GBE1: variants seen among roughly 807,000 people sequenced by gnomAD.
The protein encoded by GBE1 is 1,4-alpha-glucan-branching enzyme.
A neutral mutation model predicts 88.8 loss-of-function variants in GBE1; 70 were observed. The ratio of observed to expected loss-of-function variants is 0.79; its 90% CI spans 0.65 to 0.96. GBE1 has a LOEUF of 0.96. GBE1 is among the 40% of genes least tolerant of loss of function. The pLI is 0.00. For synonymous variants in GBE1, 284 were observed against 300.1 expected (o/e 0.95, Z 0.56); for missense variants, 872 against 871.0 (o/e 1.00, Z -0.01).
chr3:81,576,574 G>A (rs957508377), intron 12 of GBE1, among the ~76,000 whole-genome samples: 3 of 152,182 alleles, frequency 2.0e-5, no homozygotes, highest in African/African-American at 7.2e-5. Flanking sequence ...GCCTTACGGA[G>A]TGCCCATATT....
Position 81,643,282 on chromosome 3 carries a change from C to T in GBE1, c.783-292G>A, listed in dbSNP as rs550726702. Among the ~76,000 whole-genome samples the T allele has an allele frequency of 2.6e-5, 4 of 152,256 alleles. No homozygotes were observed. The East Asian group carries it at 7.7e-4, about 29-fold the overall frequency. ...AAACTCTGCTTCTCTATTTTCAGAG[C>T]TTCTGATTTCCACCTGAAGCAAGTC... On this transcript the variant is annotated intron_variant, in intron 6 of 15. Transcript: ENST00000429644.
At chr3:81,491,394 C>A (rs1268337992) in intron 15 of GBE1, among the ~76,000 whole-genome samples, 1 of 152,152 alleles carries the variant, frequency 6.6e-6, no homozygotes, top group Non-Finnish European at 1.5e-5. Flanking sequence ...TTCTAACCCT[C>A]AGTTGGTGCC....
chr3:81,569,766 A>G (rs543046636), intron 12 of GBE1, among the ~76,000 whole-genome samples: 41 of 152,324 alleles, frequency 2.7e-4, no homozygotes, highest in Admixed American at 7.2e-4. Context: ...TGTTTCAAAC[A>G]TTGATTTCTA....
chr3:81,740,583 C>A (rs1365984423), intron 1 of GBE1, among the ~76,000 whole-genome samples: 1 of 152,120 alleles, frequency 6.6e-6, no homozygotes, highest in Admixed American at 6.6e-5. Flanking sequence ...CCAGCAAAGG[C>A]CAGTCAATAA....
intron 7 of GBE1, among the ~76,000 whole-genome samples, chr3:81,615,380 TTG>T (rs1418535375): frequency 6.6e-6 from 1 of 152,088 alleles, no homozygotes; most frequent in Non-Finnish European, 1.5e-5. Flanking sequence ...TACAGAACAA[TTG>T]TGTCACTAGA....
intron 7 of GBE1, among the ~76,000 whole-genome samples, chr3:81,623,778 C>T (rs1377586459): frequency 6.6e-6 from 1 of 152,154 alleles, no homozygotes; most frequent in Non-Finnish European, 1.5e-5. Context: ...AGTCTTCCTG[C>T]CTCAGCCTCC....
Position 81,580,583 on chromosome 3 carries a change from CT to C in GBE1, c.1446+581del, listed in dbSNP as rs534680306. Among the ~76,000 whole-genome samples the C allele has an allele frequency of 1.1e-3, 174 of 152,086 alleles. 2 individuals carry two copies. Among genetic ancestry groups the C allele is most frequent in the Non-Finnish European group, 2.2e-3 (147 of 67,982 alleles). Reference sequence around the variant, plus strand: ...GGCAGAGAATAATGCTGGAAACCGGCTTGAGCCAAAATAGGAGTGGCTTTGA... The same window carrying C: ...GGCAGAGAATAATGCTGGAAACCGGCTGAGCCAAAATAGGAGTGGCTTTGA... On this transcript the variant is annotated intron_variant, in intron 11 of 15. Transcript: ENST00000429644.
At chr3:81,493,308 A>G (rs1461480227) in intron 15 of GBE1, among the ~76,000 whole-genome samples, 1 of 152,152 alleles carries the variant, frequency 6.6e-6, no homozygotes, top group Admixed American at 6.5e-5. Context: ...AATGAAACAC[A>G]TTAGACAGGC....
At chr3:81,518,233 G>A (rs1391109674) in intron 14 of GBE1, among the ~76,000 whole-genome samples, 2 of 151,300 alleles carry the variant, frequency 1.3e-5, no homozygotes, top group Admixed American at 1.3e-4. Context: ...GCTATTGTTA[G>A]ATGACTTTCT....
intron 7 of GBE1, among the ~76,000 whole-genome samples, chr3:81,613,475 T>C (rs1704208784): frequency 6.6e-6 from 1 of 152,074 alleles, no homozygotes; most frequent in African/African-American, 2.4e-5. Context: ...GAGAGCACAC[T>C]GTGTCTCTAT....
intron 14 of GBE1, among the ~76,000 whole-genome samples, chr3:81,532,011 A>G (rs1460961389): frequency 1.3e-5 from 2 of 151,964 alleles, no homozygotes; most frequent in Non-Finnish European, 2.9e-5. Context: ...ATGAGTTCCA[A>G]TGCAAAGTCC....
chr3:81,670,859 C>A lies in GBE1; in HGVS notation c.408G>T (p.Val136=). ...GTACCTTTAATTTGGATCCATGAGG[C>A]ACGAGTACAGATTTATTCTGCTTTG... ...IPPKQNKSVL[V]PHGSKLKVVI... Residue 136 remains valine, a synonymous_variant, in exon 3 of 16, where the codon GTG becomes GTT. Coordinates refer to ENST00000429644, the MANE Select transcript of GBE1 (RefSeq NM_000158.4). 2 of 1,564,458 alleles carry A rather than the reference C, an allele frequency of 1.3e-6. No homozygotes were observed. Among genetic ancestry groups the A allele is most frequent in the South Asian group, 2.5e-5 (2 of 80,752 alleles).
intron 7 of GBE1, among the ~76,000 whole-genome samples, chr3:81,625,231 T>G (rs1398019687): frequency 6.6e-6 from 1 of 152,176 alleles, no homozygotes; most frequent in African/African-American, 2.4e-5. Flanking sequence ...GAATACTATC[T>G]AAGACTCTAG....
intron 14 of GBE1, among the ~76,000 whole-genome samples, chr3:81,528,955 C>A (rs1430415585): frequency 6.6e-6 from 1 of 151,978 alleles, no homozygotes; most frequent in African/African-American, 2.4e-5. Context: ...TTGGAGAGTT[C>A]AGTCCATTTA....
At chr3:81,492,640 CCTTT>C (rs368499082) in intron 15 of GBE1, among the ~76,000 whole-genome samples, 60 of 151,848 alleles carry the variant, frequency 4.0e-4, no homozygotes, top group African/African-American at 8.9e-4. Flanking sequence ...TTCCTTCCTT[CCTTT>C]CTTTCTTTTT....
At chr3:81,525,426 G>A (rs1178994179) in intron 14 of GBE1, among the ~76,000 whole-genome samples, 3 of 151,890 alleles carry the variant, frequency 2.0e-5, no homozygotes, top group Admixed American at 6.6e-5. Context: ...TGCTGGATTC[G>A]GTTTGCCAGT....
At chr3:81,536,719 G>A (rs1040908021) in intron 13 of GBE1, among the ~76,000 whole-genome samples, 192 bp downstream of exon 13, 2 of 152,032 alleles carry the variant, frequency 1.3e-5, no homozygotes, top group African/African-American at 2.4e-5. Context: ...AGGGCATTAT[G>A]TTTAAGATTT....
At chr3:81,631,552 T>C (rs1204439382) in intron 7 of GBE1, among the ~76,000 whole-genome samples, 2 of 150,984 alleles carry the variant, frequency 1.3e-5, no homozygotes, top group African/African-American at 4.9e-5. Context: ...CTGGCCAACA[T>C]GGTGAAACCC....
intron 2 of GBE1, among the ~76,000 whole-genome samples, chr3:81,673,929 C>T (rs1258524089): frequency 6.6e-6 from 1 of 151,610 alleles, no homozygotes; most frequent in East Asian, 1.9e-4. Context: ...CAATATTTAC[C>T]CCCACCCAAA....
Sources: allele counts gnomAD v4.1 joint callset (sites outside exome capture counted in the v4.1 genomes callset), GRCh38; gene constraint gnomAD v4.1.1; transcripts MANE v1.5; gene names NCBI Gene and HGNC (gene_info 2026-07-23, HGNC 2026-07-21).